The following GLT1D1 variants were observed in gnomAD, a reference collection of about 807,000 sequenced individuals.
The protein encoded by GLT1D1 is glycosyltransferase 1 domain-containing protein 1.
GLT1D1 carries 21 observed loss-of-function variants against 28.7 expected under a neutral mutation model. The ratio of observed to expected loss-of-function variants is 0.73; its 90% CI spans 0.52 to 1.05. GLT1D1 has a LOEUF of 1.05. GLT1D1 is among the 50% of genes least tolerant of loss of function. The pLI is 0.00. For synonymous variants in GLT1D1, 147 were observed against 124.8 expected (o/e 1.18, Z -1.19); for missense variants, 343 against 330.6 (o/e 1.04, Z -0.29).
chr12:128,959,016 T>G (rs1877618089), intron 7 of GLT1D1, among the ~76,000 whole-genome samples: 1 of 151,362 alleles, frequency 6.6e-6, no homozygotes, highest in Non-Finnish European at 1.5e-5. Flanking sequence ...TTTGTTTATT[T>G]TTTTAGAGAC....
intron 1 of GLT1D1, among the ~76,000 whole-genome samples, chr12:128,856,044 G>A (rs916297468): frequency 1.2e-4 from 19 of 152,102 alleles, no homozygotes; most frequent in African/African-American, 3.6e-4. Flanking sequence ...GAGCAACTTC[G>A]CCTGGCCTTG....
chr12:128,946,247 A>G (rs1353953098), intron 5 of GLT1D1, among the ~76,000 whole-genome samples: 1 of 152,202 alleles, frequency 6.6e-6, no homozygotes, highest in African/African-American at 2.4e-5. Context: ...AAAAAATAGA[A>G]CAAGGCAAAA....
chr12:128,853,625 A>G lies in GLT1D1; in HGVS notation c.44A>G (p.Asn15Ser). 8.5e-7 allele frequency: 1 copy of G among 1,179,852 alleles called. No homozygotes were observed. Among genetic ancestry groups the G allele is most frequent in the South Asian group, 2.3e-5 (1 of 43,128 alleles). The allele number at this position is 1,179,852 out of a possible 1,614,324, so 73.1% of individuals were successfully genotyped here. Residue 15 changes from asparagine (N) to serine (S), a missense_variant, in exon 1 of 8, where the codon AAC becomes AGC. Asn to Ser is a conservative substitution (Grantham distance 46, BLOSUM62 1). Coordinates refer to ENST00000281703, the MANE Select transcript of GLT1D1 (RefSeq NM_144669.3). ...GCGGTGCTGCGGCCACACACCGGCAACGCGGTCACGGCCCAGCGCGTTCGG... is the reference window on the plus strand; with the variant it reads ...GCGGTGCTGCGGCCACACACCGGCAGCGCGGTCACGGCCCAGCGCGTTCGG...
At chr12:128,969,241 C>G (rs543116752) in intron 7 of GLT1D1, among the ~76,000 whole-genome samples, 1 of 151,820 alleles carries the variant, frequency 6.6e-6, no homozygotes, top group South Asian at 2.1e-4. Flanking sequence ...TCCTCTGTCT[C>G]TGTTTCTACC....
chr12:128,869,032 G>A (rs1381623245), intron 1 of GLT1D1, among the ~76,000 whole-genome samples: 1 of 152,062 alleles, frequency 6.6e-6, no homozygotes, highest in Non-Finnish European at 1.5e-5. Flanking sequence ...ACCACGCCCA[G>A]CTAATTTTAT....
intron 4 of GLT1D1, among the ~76,000 whole-genome samples, chr12:128,925,520 C>A (rs1174594219): frequency 6.6e-6 from 1 of 152,158 alleles, no homozygotes; most frequent in African/African-American, 2.4e-5. Flanking sequence ...TGATCTCGTT[C>A]CTTTTTATGG....
At chr12:128,865,281 G>A (rs974960948) in intron 1 of GLT1D1, among the ~76,000 whole-genome samples, 2 of 152,008 alleles carry the variant, frequency 1.3e-5, no homozygotes, top group Non-Finnish European at 2.9e-5. Flanking sequence ...ACCCACTGAT[G>A]TTATTTTTTG....
intron 1 of GLT1D1, among the ~76,000 whole-genome samples, chr12:128,866,269 C>T (rs1189236613): frequency 6.8e-6 from 1 of 147,966 alleles, no homozygotes; most frequent in African/African-American, 2.7e-5. Flanking sequence ...CCTGGTTTCA[C>T]CATGTTAGCC....
At chr12:128,919,135 C>T (rs1011309359) in intron 4 of GLT1D1, among the ~76,000 whole-genome samples, 10 of 152,122 alleles carry the variant, frequency 6.6e-5, no homozygotes, top group Non-Finnish European at 5.9e-5. Flanking sequence ...TTGTCTTTGT[C>T]GTCTCTCAGG....
chr12:128,863,441 C>T (rs1434348603), intron 1 of GLT1D1, among the ~76,000 whole-genome samples: 2 of 151,970 alleles, frequency 1.3e-5, no homozygotes, highest in Admixed American at 6.6e-5. Flanking sequence ...GGCGTGATCT[C>T]GGCTCACTGC....
At chr12:128,864,931 C>T (rs1192284671) in intron 1 of GLT1D1, among the ~76,000 whole-genome samples, 3 of 152,136 alleles carry the variant, frequency 2.0e-5, no homozygotes, top group Non-Finnish European at 2.9e-5. Flanking sequence ...GAGGCAAGGC[C>T]ATGAGCTGCT....
chr12:128,871,088 A>G (rs146160223), intron 1 of GLT1D1, among the ~76,000 whole-genome samples: 33 of 152,312 alleles, frequency 2.2e-4, no homozygotes, highest in Non-Finnish European at 8.8e-5. Flanking sequence ...TCGATTCTGC[A>G]TAAGTCATGA....
At chr12:128,982,854 C>T (rs938968120) in intron 7 of GLT1D1, 75 bp from the exon 12 acceptor site, 18 of 1,400,558 alleles carry the variant, frequency 1.3e-5, no homozygotes, top group Middle Eastern at 3.6e-4. Flanking sequence ...CCAATGCAGA[C>T]ACAGGATCTT....
intron 1 of GLT1D1, among the ~76,000 whole-genome samples, chr12:128,855,746 CTTTTTTT>C (rs34715979): frequency 2.1e-5 from 2 of 95,160 alleles, no homozygotes; most frequent in East Asian, 3.3e-4. Flanking sequence ...TGCTGGTTGC[CTTTTTTT>C]TTTTTTTTTT....
At chr12:128,959,603 CTGT>C (rs1877732525) in intron 7 of GLT1D1, among the ~76,000 whole-genome samples, 4 of 152,096 alleles carry the variant, frequency 2.6e-5, no homozygotes, top group African/African-American at 9.7e-5. Context: ...AGGAGTTTCT[CTGT>C]TATTGTCTAC....
chr12:128,896,706 A>C (rs1190075132), intron 3 of GLT1D1, among the ~76,000 whole-genome samples: 2 of 151,482 alleles, frequency 1.3e-5, no homozygotes, highest in Non-Finnish European at 2.9e-5. Flanking sequence ...CAGCGTACCG[A>C]GTAGCTGGGA....
rs183392033 is a variant in GLT1D1 at position 128,950,607 on chromosome 12, C to T, written c.540+3149C>T. ...AAAACCATAAATACAGGTGATGGTG[C>T]CCCCCCCTCACAGATCAGCTTCACT... On this transcript the variant is annotated intron_variant, in intron 6 of 7. Coordinates refer to ENST00000281703, the MANE Select transcript of GLT1D1 (RefSeq NM_144669.3). Among the ~76,000 whole-genome samples the T allele has an allele frequency of 3.3e-5, 5 of 151,182 alleles. No homozygotes were observed. In the East Asian group the frequency reaches 7.7e-4, roughly 23 times the overall value.
At chr12:128,903,236 C>T (rs1008190118) in intron 4 of GLT1D1, among the ~76,000 whole-genome samples, 1 of 151,642 alleles carries the variant, frequency 6.6e-6, no homozygotes, top group Non-Finnish European at 1.5e-5. Flanking sequence ...GCAGGGTGGC[C>T]TCACTTCCAT....
At chr12:128,931,412 A>G (rs576843853) in intron 4 of GLT1D1, among the ~76,000 whole-genome samples, 10 of 148,024 alleles carry the variant, frequency 6.8e-5, no homozygotes, top group South Asian at 6.5e-4. Flanking sequence ...GGTTCAAGCG[A>G]CTCTCCTGTC....
Sources: allele counts gnomAD v4.1 joint callset (sites outside exome capture counted in the v4.1 genomes callset), GRCh38; gene constraint gnomAD v4.1.1; transcripts MANE v1.5; gene names NCBI Gene and HGNC (gene_info 2026-07-23, HGNC 2026-07-21).